ARMC10: variants seen among roughly 807,000 people sequenced by gnomAD.
ARMC10 encodes the protein armadillo repeat-containing protein 10.
In ARMC10, 23 loss-of-function variants were observed where a neutral mutation model predicts 30.2. The observed-to-expected ratio is 0.76, with a 90% CI of 0.55 to 1.08. The LOEUF (loss-of-function observed/expected upper bound fraction) is 1.08, where lower values mean the gene tolerates loss of function less well. Ranked by LOEUF, ARMC10 falls within the 50% of genes least tolerant of loss-of-function variation. The probability of loss-of-function intolerance (pLI) is 0.00; values close to 1 mark genes in which losing one functional copy is unlikely to be tolerated. For missense variants in ARMC10, 303 were observed against 413.7 expected, an observed-to-expected ratio of 0.73 and a Z score of 2.32; for synonymous variants, 111 against 164.4, an observed-to-expected ratio of 0.68 and a Z score of 2.48.
chr7:103,080,986 G>A (rs1177349457), intron 2 of ARMC10, among the ~76,000 whole-genome samples: 4 of 152,176 alleles, frequency 2.6e-5, no homozygotes, highest in Non-Finnish European at 5.9e-5. Context: ...TAATGTAGGA[G>A]TAAAAAGATC....
At chr7:103,091,874 A>C (rs1470189473) in intron 4 of ARMC10, among the ~76,000 whole-genome samples, 1 of 152,178 alleles carries the variant, frequency 6.6e-6, no homozygotes, top group Non-Finnish European at 1.5e-5. Flanking sequence ...CTCTTTAAAG[A>C]CTTAAAAGTC....
At chr7:103,079,449 A>G (rs145130414) in intron 2 of ARMC10, among the ~76,000 whole-genome samples, 3 of 152,356 alleles carry the variant, frequency 2.0e-5, no homozygotes, top group African/African-American at 4.8e-5. Flanking sequence ...AAAAGCAAAT[A>G]TCGTATTTAA....
intron 3 of ARMC10, among the ~76,000 whole-genome samples, chr7:103,086,141 C>T (rs1206740661): frequency 6.6e-6 from 1 of 152,076 alleles, no homozygotes; most frequent in Non-Finnish European, 1.5e-5. Context: ...CATGGGAAAC[C>T]ACCCCCCCTT....
At position 103,081,529 on chromosome 7, in the gene ARMC10, C is replaced by T. The variant is rs543746427; in HGVS notation, c.245-2153C>T. 4.0e-4 allele frequency among the ~76,000 whole-genome samples: 61 copies of T among 152,202 alleles called. 1 individual carries two copies. The South Asian group carries it at 7.9e-3, about 20-fold the overall frequency. On this transcript the variant is annotated intron_variant, in intron 2 of 6. Coordinates refer to ENST00000323716, the MANE Select transcript of ARMC10 (RefSeq NM_031905.5). The stretch of plus-strand genomic sequence containing the variant: ...TGGGATTACAAGGCATCCTGCACCA[C>T]GCCTGGCTAATTTTTTTCTGTTTTT...
chr7:103,076,956 C>T (rs1031516358), intron 2 of ARMC10, among the ~76,000 whole-genome samples: 5 of 151,964 alleles, frequency 3.3e-5, no homozygotes, highest in African/African-American at 9.7e-5. Context: ...GGCGCAATCA[C>T]AGCTGCAGCG....
At chr7:103,083,909 A>C (rs1452057780) in intron 3 of ARMC10, 79 bp downstream of exon 3, 11 of 1,543,640 alleles carry the variant, frequency 7.1e-6, no homozygotes, top group African/African-American at 1.4e-5. Context: ...TAAATTACTT[A>C]ACCTCTCAGA....
intron 4 of ARMC10, chr7:103,089,139 C>A: frequency 4.6e-6 from 1 of 216,846 alleles, no homozygotes; most frequent in South Asian, 8.5e-5. Flanking sequence ...GACATAAACT[C>A]TAGCAATTTG....
chr7:103,078,850 A>C (rs1473014100), intron 2 of ARMC10, among the ~76,000 whole-genome samples: 1 of 152,100 alleles, frequency 6.6e-6, no homozygotes, highest in African/African-American at 2.4e-5. Context: ...CTCTACAAAA[A>C]ATAGAAAAAT....
At chr7:103,097,676 A>G (rs1369302630) in intron 6 of ARMC10, among the ~76,000 whole-genome samples, 7 of 152,224 alleles carry the variant, frequency 4.6e-5, no homozygotes, top group Admixed American at 2.0e-4. Context: ...TATCCACTGA[A>G]ACAGCAGTAC....
rs374802060 is a variant in ARMC10, at chr7:103,075,700, G to A, written c.140-77G>A. 31 of 1,116,224 alleles carry A rather than the reference G, an allele frequency of 2.8e-5. No homozygotes were observed. In the East Asian group the frequency reaches 5.2e-4, roughly 19 times the overall value. The allele number at this position is 1,116,224 out of a possible 1,614,324, so 69.1% of individuals were successfully genotyped here. Reference sequence around the variant, plus strand: ...ATTTTAAAGCTTGCTCCGGGCCTTTGTGTAACTAAAGGGATTCTCCCGATT... The same window carrying A: ...ATTTTAAAGCTTGCTCCGGGCCTTTATGTAACTAAAGGGATTCTCCCGATT... On this transcript the variant is annotated intron_variant, in intron 1 of 6. Transcript: ENST00000323716.
chr7:103,081,938 T>C (rs953158481), intron 2 of ARMC10: 9 of 456,594 alleles, frequency 2.0e-5, no homozygotes, highest in Non-Finnish European at 4.0e-5. Flanking sequence ...CTTTGATTTT[T>C]CATTTCTGTG....
intron 3 of ARMC10, 26 bp downstream of exon 3, chr7:103,083,856 G>A: frequency 6.2e-7 from 1 of 1,609,432 alleles, no homozygotes; most frequent in South Asian, 1.1e-5. Context: ...CAGCAAGCAA[G>A]CTCTTTCCAT....
chr7:103,086,071 G>A (rs1800825327), intron 3 of ARMC10, among the ~76,000 whole-genome samples: 1 of 152,020 alleles, frequency 6.6e-6, no homozygotes, highest in Non-Finnish European at 1.5e-5. Context: ...AATGCACATG[G>A]ACATATTAAA....
chr7:103,087,856 A>G, intron 4 of ARMC10: 1 of 820,228 alleles, frequency 1.2e-6, no homozygotes, highest in Non-Finnish European at 1.5e-6. Context: ...TTAATTTTCT[A>G]CAGAATTACA....
chr7:103,082,090 C>A (rs142306739), intron 2 of ARMC10, among the ~76,000 whole-genome samples: 9 of 152,234 alleles, frequency 5.9e-5, no homozygotes, highest in Admixed American at 2.0e-4. Context: ...TCATTCTTTC[C>A]TTTATCTTTT....
intron 2 of ARMC10, 118 bp downstream of exon 2, chr7:103,075,999 T>C: frequency 6.5e-6 from 4 of 618,214 alleles, no homozygotes; most frequent in Non-Finnish European, 7.7e-6. Flanking sequence ...TCCAAAGGCA[T>C]GTTTCACATC....
chr7:103,075,846 C>A lies in ARMC10; in HGVS notation c.209C>A (p.Thr70Asn). The stretch of plus-strand genomic sequence containing the variant: ...TCGGCCCGGCCTCAGACGGGAGGTA[C>A]CTGGGAGTCACAGTGGTCCAAGACC... ...GRSARPQTGGTWESQWSKTSQ... is the reference protein window; with the variant it reads ...GRSARPQTGGNWESQWSKTSQ... Residue 70 changes from threonine to asparagine, a missense_variant, in exon 2 of 7, where the codon ACC (threonine) becomes AAC (asparagine). By Grantham distance (65) the Thr-to-Asn change is moderately conservative. This residue lies in a region of ARMC10 where 96 missense variants were observed against 84.2 expected (regional missense o/e 1.14). Coordinates refer to ENST00000323716, the MANE Select transcript of ARMC10 (RefSeq NM_031905.5). 6.2e-7 allele frequency: 1 copy of A among 1,610,984 alleles called. No individual in the cohort carries two copies. Among genetic ancestry groups the A allele is most frequent in the Middle Eastern group, 1.7e-4 (1 of 6,056 alleles).
chr7:103,084,983 T>C (rs1278962231), intron 3 of ARMC10, among the ~76,000 whole-genome samples: 1 of 152,152 alleles, frequency 6.6e-6, no homozygotes, highest in Non-Finnish European at 1.5e-5. Flanking sequence ...TGAATACAAG[T>C]GAACAACAAT....
At chr7:103,081,145 T>G (rs1800345122) in intron 2 of ARMC10, among the ~76,000 whole-genome samples, 1 of 152,204 alleles carries the variant, frequency 6.6e-6, no homozygotes, top group Admixed American at 6.5e-5. Flanking sequence ...AAACTGAGGC[T>G]GAGAGAGCCT....
Sources: allele counts gnomAD v4.1 joint callset (sites outside exome capture counted in the v4.1 genomes callset), GRCh38; gene constraint gnomAD v4.1.1; regional missense constraint gnomAD v4.1.1; transcripts MANE v1.5; gene names NCBI Gene and HGNC (gene_info 2026-07-23, HGNC 2026-07-21).